Variants in C1orf21 observed in about 807,000 individuals in gnomAD.
C1orf21 encodes the protein uncharacterized protein C1orf21.
A neutral mutation model predicts 18.7 loss-of-function variants in C1orf21; 3 were observed. The observed-to-expected ratio is 0.16, with a 90% confidence interval of 0.07 to 0.42. The LOEUF (loss-of-function observed/expected upper bound fraction) is 0.42. Ranked by LOEUF, C1orf21 falls within the 10% of genes least tolerant of loss-of-function variation. C1orf21 has a pLI of 0.99. For synonymous variants in C1orf21, 41 were observed against 46.4 expected, an observed-to-expected ratio of 0.88 and a Z score of 0.47; for missense variants, 104 against 143.6, an observed-to-expected ratio of 0.72 and a Z score of 1.41.
At chr1:184,410,617 T>TCA (rs1491211140) in intron 1 of C1orf21, among the ~76,000 whole-genome samples, 1 of 21,156 alleles carries the variant, frequency 4.7e-5, no homozygotes, top group South Asian at 1.6e-3. Flanking sequence ...GCCATATATA[T>TCA]TATATATATA....
chr1:184,407,091 T>C (rs901385639), intron 1 of C1orf21, among the ~76,000 whole-genome samples: 27 of 152,120 alleles, frequency 1.8e-4, no homozygotes, highest in African/African-American at 6.0e-4. Flanking sequence ...CCACCTTGCT[T>C]TAGCCTCTCC....
intron 2 of C1orf21, 121 bp from the exon 3 acceptor site, chr1:184,507,467 C>T (rs2101963858): frequency 2.7e-6 from 2 of 742,254 alleles, no homozygotes; most frequent in Non-Finnish European, 2.2e-6. Flanking sequence ...TCCAAATGAA[C>T]CACATATGAA....
intron 3 of C1orf21, among the ~76,000 whole-genome samples, chr1:184,523,038 A>G (rs751840356): frequency 6.6e-6 from 1 of 152,252 alleles, no homozygotes; most frequent in African/African-American, 2.4e-5. Flanking sequence ...CCATGAGTCC[A>G]TACTGATGTA....
intron 2 of C1orf21, among the ~76,000 whole-genome samples, chr1:184,482,070 T>C (rs1261729305): frequency 2.0e-5 from 3 of 152,230 alleles, no homozygotes; most frequent in Admixed American, 6.5e-5. Context: ...TGGTCTCTTA[T>C]TGTGTAACAA....
chr1:184,480,949 G>A (rs1657645929), intron 2 of C1orf21, among the ~76,000 whole-genome samples: 1 of 152,150 alleles, frequency 6.6e-6, no homozygotes. Flanking sequence ...TTCCATCAGG[G>A]ACATACTTTA....
rs182156206 is a variant in C1orf21, at chr1:184,430,081, C to A, written c.-125+42713C>A. On this transcript the variant is annotated intron_variant, in intron 1 of 5. Transcript: ENST00000235307. ...GAGCCGAGATCACCCCACTGCACTC[C>A]AGCCTGGGCGACAGAGCGAGACTCC... Among the ~76,000 whole-genome samples, 84 of 145,304 alleles carry A rather than the reference C, an allele frequency of 5.8e-4. 2 individuals carry two copies. The East Asian group carries it at 7.6e-3, about 13-fold the overall frequency.
intron 2 of C1orf21, among the ~76,000 whole-genome samples, chr1:184,497,672 G>T (rs915522109): frequency 1.3e-5 from 2 of 152,144 alleles, no homozygotes; most frequent in Admixed American, 6.5e-5. Flanking sequence ...TCATACAAGA[G>T]AATTACTTGA....
At chr1:184,582,395 T>C (rs1482554787) in intron 3 of C1orf21, among the ~76,000 whole-genome samples, 3 of 152,266 alleles carry the variant, frequency 2.0e-5, no homozygotes, top group Non-Finnish European at 2.9e-5. Context: ...GTTGTGCAAA[T>C]GTACACACAC....
At chr1:184,409,323 C>A (rs934663523) in intron 1 of C1orf21, among the ~76,000 whole-genome samples, 8 of 151,956 alleles carry the variant, frequency 5.3e-5, no homozygotes, top group Non-Finnish European at 8.8e-5. Context: ...AAAGAAATAA[C>A]CTTACAATAT....
intron 1 of C1orf21, among the ~76,000 whole-genome samples, chr1:184,459,523 G>A (rs1657270159): frequency 6.6e-6 from 1 of 152,200 alleles, no homozygotes; most frequent in African/African-American, 2.4e-5. Context: ...TTGCTGTACT[G>A]TATGTGGATT....
chr1:184,623,683 G>A lies in C1orf21; in HGVS notation c.*4127G>A, dbSNP rs1659960766. 6.6e-6 allele frequency: 1 copy of A among 152,638 alleles called. No individual in the cohort carries two copies. The highest frequency in any genetic ancestry group is 2.1e-4 in the South Asian group (1 of 4,832). 9.5% of individuals were successfully genotyped at this position (152,638 alleles called of 1,614,324 possible). ...CACATGTGCCTGCAATAAACCTTTT[G>A]GAATTTCATGAACGAGGTCTATGAA... On this transcript the variant is annotated 3_prime_UTR_variant, in exon 6 of 6. Coordinates refer to ENST00000235307, the MANE Select transcript of C1orf21 (RefSeq NM_030806.4).
At chr1:184,605,961 C>T (rs990727641) in intron 5 of C1orf21, among the ~76,000 whole-genome samples, 3 of 152,202 alleles carry the variant, frequency 2.0e-5, no homozygotes, top group African/African-American at 7.2e-5. Context: ...AACTTAGAAA[C>T]TTGGATCCTG....
At chr1:184,606,882 A>G (rs910686649) in intron 5 of C1orf21, among the ~76,000 whole-genome samples, 1 of 152,160 alleles carries the variant, frequency 6.6e-6, no homozygotes, top group Admixed American at 6.5e-5. Context: ...TCAACTTTTC[A>G]TCTCCCACTA....
rs1285391878 is a variant in C1orf21, at chr1:184,532,856, ATCTG to A, written c.189+25180_189+25183del. 1.1e-4 allele frequency among the ~76,000 whole-genome samples: 17 copies of A among 152,314 alleles called. No homozygotes were observed. The East Asian group carries it at 3.1e-3, about 28-fold the overall frequency. On this transcript the variant is annotated intron_variant, in intron 3 of 5. Transcript: ENST00000235307. ...GTCAGAAAAATGAGGCTCTGCCAGA[ATCTG>A]TCTGTGTGATCTTGGCCAGGTCACT... is the stretch of plus-strand genomic sequence containing the variant.
intron 1 of C1orf21, among the ~76,000 whole-genome samples, chr1:184,424,527 A>G (rs889501255): frequency 6.6e-6 from 1 of 152,234 alleles, no homozygotes; most frequent in Non-Finnish European, 1.5e-5. Context: ...TTGTGGAACC[A>G]GAAATGAAGT....
At chr1:184,540,762 T>C (rs1658637122) in intron 3 of C1orf21, among the ~76,000 whole-genome samples, 1 of 152,194 alleles carries the variant, frequency 6.6e-6, no homozygotes, top group Non-Finnish European at 1.5e-5. Context: ...AGAAAAAGTT[T>C]ATGAAGCTAA....
intron 2 of C1orf21, among the ~76,000 whole-genome samples, chr1:184,496,755 C>A (rs1657899927): frequency 6.6e-6 from 1 of 152,126 alleles, no homozygotes; most frequent in Non-Finnish European, 1.5e-5. Flanking sequence ...AGCTATCCAC[C>A]CCAGTTTACG....
At position 184,623,881 on chromosome 1, in the gene C1orf21, T is replaced by C. The variant is rs549223523; in HGVS notation, c.*4325T>C. On this transcript the variant is annotated 3_prime_UTR_variant, in exon 6 of 6. Transcript: ENST00000235307. ...TTAGGACTCACAAGCTATGCCATGT[T>C]TTTCAGGAGACTCTTGTACCTTATC... 4.2e-4 allele frequency: 64 copies of C among 152,728 alleles called. No individual in the cohort carries two copies. Among genetic ancestry groups the C allele is most frequent in the African/African-American group, 1.4e-3 (59 of 41,558 alleles). The allele number at this position is 152,728 out of a possible 1,614,324, so 9.5% of individuals were successfully genotyped here. A position where few individuals can be genotyped will look rare whatever the true frequency, so the allele number is the denominator to read the frequency against.
At position 184,408,601 on chromosome 1, in the gene C1orf21, G is replaced by C. The variant is rs541592979; in HGVS notation, c.-125+21233G>C. On this transcript the variant is annotated intron_variant, in intron 1 of 5. Coordinates refer to ENST00000235307, the MANE Select transcript of C1orf21 (RefSeq NM_030806.4). ...TCCAGATCAACAAAGGTTATTATTT[G>C]GGTCATTTGTTAGGGCCTGGAGCTT... Among the ~76,000 whole-genome samples the C allele has an allele frequency of 6.6e-5, 10 of 152,124 alleles. No individual in the cohort carries two copies. The East Asian group carries it at 9.7e-4, about 15-fold the overall frequency.
Sources: allele counts gnomAD v4.1 joint callset (sites outside exome capture counted in the v4.1 genomes callset), GRCh38; gene constraint gnomAD v4.1.1; transcripts MANE v1.5; gene names NCBI Gene and HGNC (gene_info 2026-07-23, HGNC 2026-07-21).